CST9L: variants seen among roughly 807,000 people sequenced by gnomAD.
CST9L encodes cystatin-9-like.
A neutral mutation model predicts 13.2 loss-of-function variants in CST9L; 17 were observed. The ratio of observed to expected loss-of-function variants is 1.29; its 90% CI spans 0.88 to 1.93. CST9L has a LOEUF of 1.93. Ranked by LOEUF, CST9L falls within the 30% of genes most tolerant of loss-of-function variation. CST9L has a pLI of 0.00. For missense variants in CST9L, 170 were observed against 170.5 expected, an observed-to-expected ratio of 1.00 and a Z score of 0.02; for synonymous variants, 78 against 69.1, an observed-to-expected ratio of 1.13 and a Z score of -0.64.
At chr20:23,568,091 G>A in intron 1 of CST9L, 120 bp downstream of exon 1, 2 of 962,012 alleles carry the variant, frequency 2.1e-6, no homozygotes, top group Non-Finnish European at 1.6e-6. Flanking sequence ...ATTTTCTTAA[G>A]TATGGACTAC....
In CST9L at chr20:23,568,093, A is replaced by G. The variant is rs1989123211; in HGVS notation, c.240+118T>C. Reference sequence around the variant, plus strand: ...TAAACTACCTTGTATTTTCTTAAGTATGGACTACAACTGGTGAACAAGACT... The same window carrying G: ...TAAACTACCTTGTATTTTCTTAAGTGTGGACTACAACTGGTGAACAAGACT... On this transcript the variant is annotated intron_variant, in intron 1 of 2. Transcript: ENST00000376979. 5.1e-6 allele frequency: 5 copies of G among 983,152 alleles called. No homozygotes were observed. In the Admixed American group the frequency reaches 6.6e-5, roughly 13 times the overall value. The allele number at this position is 983,152 out of a possible 1,614,324, so 60.9% of individuals were successfully genotyped here. A position where few individuals can be genotyped will look rare whatever the true frequency, so the allele number is the denominator to read the frequency against.
chr20:23,567,764 T>C (rs2247337), intron 1 of CST9L, among the ~76,000 whole-genome samples: 54,949 of 151,954 alleles, frequency 0.36, 10,525 homozygotes, highest in East Asian at 0.56. Flanking sequence ...TTGGGACTGG[T>C]GGGGGTTTCT....
chr20:23,565,677 A>G (rs2122337935), intron 2 of CST9L, among the ~76,000 whole-genome samples: 1 of 152,300 alleles, frequency 6.6e-6, no homozygotes, highest in Admixed American at 6.5e-5. Context: ...TACTGGACCC[A>G]GGAGACTGGG....
intron 1 of CST9L, among the ~76,000 whole-genome samples, chr20:23,566,399 G>A (rs1244853358): frequency 4.6e-5 from 7 of 152,234 alleles, no homozygotes; most frequent in Non-Finnish European, 1.0e-4. Context: ...TCCAGAGGAT[G>A]GCGCTATGTG....
chr20:23,567,116 A>G (rs988073808), intron 1 of CST9L, among the ~76,000 whole-genome samples: 2 of 152,156 alleles, frequency 1.3e-5, no homozygotes, highest in African/African-American at 2.4e-5. Context: ...GGGTCTTTCC[A>G]GAGGCTGAAG....
chr20:23,566,939 C>T (rs1305681242), intron 1 of CST9L, among the ~76,000 whole-genome samples: 1 of 152,132 alleles, frequency 6.6e-6, no homozygotes, highest in Non-Finnish European at 1.5e-5. Context: ...CAAAGTGCAC[C>T]TTGATCTTCT....
At chr20:23,566,112 T>C in intron 1 of CST9L, 25 bp from the exon 2 acceptor site, 1 of 1,269,436 alleles carries the variant, frequency 7.9e-7, no homozygotes, top group Non-Finnish European at 1.2e-6. Context: ...GAGATTAATG[T>C]GAACACACCC....
chr20:23,566,229 T>G (rs1249982371), intron 1 of CST9L, 142 bp from the exon 2 acceptor site: 1 of 673,404 alleles, frequency 1.5e-6, no homozygotes, highest in African/African-American at 1.8e-5. Context: ...CATCAGGAGA[T>G]CTTCTTTAGA....
At chr20:23,565,874 C>T in intron 2 of CST9L, 100 bp downstream of exon 2, 2 of 780,168 alleles carry the variant, frequency 2.6e-6, no homozygotes, top group East Asian at 2.5e-5. Flanking sequence ...GCTGCAGGCT[C>T]ACTCCTCTAA....
At chr20:23,568,115 G>C in intron 1 of CST9L, 96 bp downstream of exon 1, 2 of 1,282,474 alleles carry the variant, frequency 1.6e-6, no homozygotes, top group Admixed American at 1.8e-5. Flanking sequence ...TGGTGAACAA[G>C]ACTCTTCAAT....
chr20:23,564,808 T>A lies in CST9L; in HGVS notation c.*140A>T. The A allele has an allele frequency of 2.9e-6, 2 of 681,970 alleles. No individual in the cohort carries two copies. Among genetic ancestry groups the A allele is most frequent in the Non-Finnish European group, 5.4e-6 (2 of 371,598 alleles). The allele number at this position is 681,970 out of a possible 1,614,324, so 42.2% of individuals were successfully genotyped here. Reference sequence around the variant, plus strand: ...ATGTGTGGATTTTCTAAAACACTGATCTGAGATCTCAAACACATGCAAAAT... The same window carrying A: ...ATGTGTGGATTTTCTAAAACACTGAACTGAGATCTCAAACACATGCAAAAT... On this transcript the variant is annotated 3_prime_UTR_variant, in exon 3 of 3. Coordinates refer to ENST00000376979, the MANE Select transcript of CST9L (RefSeq NM_080610.3).
At chr20:23,567,120 G>A (rs913171339) in intron 1 of CST9L, among the ~76,000 whole-genome samples, 2 of 152,136 alleles carry the variant, frequency 1.3e-5, no homozygotes, top group African/African-American at 2.4e-5. Flanking sequence ...CTTTCCAGAG[G>A]CTGAAGCTTG....
chr20:23,565,984 T>G lies in CST9L; in HGVS notation c.344A>C (p.Glu115Ala), dbSNP rs1568681276. The G allele has an allele frequency of 6.3e-7, 1 of 1,576,684 alleles. No individual in the cohort carries two copies. The highest frequency in any genetic ancestry group is 2.2e-5 in the East Asian group (1 of 44,672). Residue 115 changes from glutamate (E) to alanine (A), a missense_variant, in exon 2 of 3, where the codon GAG becomes GCG. Coordinates refer to ENST00000376979, the MANE Select transcript of CST9L (RefSeq NM_080610.3). ...GGTGTCCTGTCTTACATTGTTCAGC[T>G]CTGTGCTTTCTTGGAAATGGCAGTT... Reference protein sequence around the residue: ...IDNCHFQESTELNNTFTCFFT... With the variant: ...IDNCHFQESTALNNTFTCFFT...
chr20:23,568,119 C>G, intron 1 of CST9L, 92 bp downstream of exon 1: 1 of 1,356,024 alleles, frequency 7.4e-7, no homozygotes, highest in Non-Finnish European at 1.0e-6. Context: ...GAACAAGACT[C>G]TTCAATAAGA....
intron 1 of CST9L, among the ~76,000 whole-genome samples, chr20:23,567,687 G>A (rs1989117611): frequency 6.6e-6 from 1 of 152,092 alleles, no homozygotes; most frequent in Admixed American, 6.5e-5. Flanking sequence ...TTTATTAAGT[G>A]CAGACACACC....
intron 2 of CST9L, among the ~76,000 whole-genome samples, chr20:23,565,324 G>T (rs1407977988): frequency 6.6e-6 from 1 of 152,168 alleles, no homozygotes; most frequent in Non-Finnish European, 1.5e-5. Context: ...TGTGATCCCT[G>T]CACCCAAGAG....
chr20:23,568,318 G>A lies in CST9L; in HGVS notation c.133C>T (p.Arg45Cys), dbSNP rs774548597. The A allele has an allele frequency of 1.1e-5, 18 of 1,614,054 alleles. No individual in the cohort carries two copies. The highest frequency in any genetic ancestry group is 2.2e-5 in the South Asian group (2 of 91,082). ...RDCDEHNVMA[R>C]YLPATVEFAV... Reference sequence around the variant, plus strand: ...AACTCCACTGTGGCAGGGAGGTAACGAGCCATGACATTGTGTTCATCACAG... The same window carrying A: ...AACTCCACTGTGGCAGGGAGGTAACAAGCCATGACATTGTGTTCATCACAG... The change falls in exon 1 of 3, where the codon CGT becomes TGT. Residue 45 changes from arginine (R) to cysteine (C), a missense_variant. Arg to Cys is a radical substitution (Grantham distance 180). Coordinates refer to ENST00000376979, the MANE Select transcript of CST9L (RefSeq NM_080610.3).
chr20:23,568,345 C>G lies in CST9L; in HGVS notation c.106G>C (p.Asp36His), dbSNP rs975696919. 6.2e-7 allele frequency: 1 copy of G among 1,614,126 alleles called. No homozygotes were observed. The highest frequency in any genetic ancestry group is 8.5e-7 in the Non-Finnish European group (1 of 1,180,058). ...GCCATGACATTGTGTTCATCACAGT[C>G]CCTTTGCTCGTGGAAATGCCAGGCA... ...IYAWHFHEQR[D>H]CDEHNVMARY... The change falls in exon 1 of 3, where the codon GAC becomes CAC. Residue 36 changes from aspartate (D) to histidine (H), a missense_variant. Asp to His is a moderately conservative substitution (Grantham distance 81, BLOSUM62 -1). Transcript: ENST00000376979.
intron 1 of CST9L, among the ~76,000 whole-genome samples, chr20:23,567,218 T>C (rs995491405): frequency 2.6e-5 from 4 of 152,024 alleles, no homozygotes; most frequent in African/African-American, 9.7e-5. Context: ...CAACTAGAAG[T>C]CCTCAACTTA....
Sources: allele counts gnomAD v4.1 joint callset (sites outside exome capture counted in the v4.1 genomes callset), GRCh38; gene constraint gnomAD v4.1.1; transcripts MANE v1.5; gene names NCBI Gene and HGNC (gene_info 2026-07-23, HGNC 2026-07-21).